The following ARHGEF28 variants were observed in gnomAD, a reference collection of about 807,000 sequenced individuals.
The protein encoded by ARHGEF28 is Rho guanine nucleotide exchange factor 28.
A neutral mutation model predicts 206.6 loss-of-function variants in ARHGEF28; 152 were observed. That is an observed-to-expected ratio of 0.74 (90% CI 0.64 to 0.84). The LOEUF (loss-of-function observed/expected upper bound fraction) is 0.84, where lower values mean the gene tolerates loss of function less well. ARHGEF28 is among the 40% of genes least tolerant of loss of function. The pLI is 0.00. For missense variants in ARHGEF28, 2,028 were observed against 2,073.2 expected, an observed-to-expected ratio of 0.98 and a Z score of 0.42; for synonymous variants, 763 against 776.4, an observed-to-expected ratio of 0.98 and a Z score of 0.29.
At chr5:73,681,660 C>A (rs1263983919) in intron 1 of ARHGEF28, among the ~76,000 whole-genome samples, 1 of 151,624 alleles carries the variant, frequency 6.6e-6, no homozygotes, top group Non-Finnish European at 1.5e-5. Flanking sequence ...CTAAAAAATA[C>A]AAAAATTAGC....
At chr5:73,724,061 G>T (rs556769208) in intron 2 of ARHGEF28, among the ~76,000 whole-genome samples, 3 of 152,210 alleles carry the variant, frequency 2.0e-5, no homozygotes, top group Non-Finnish European at 4.4e-5. Flanking sequence ...TCCCAGGCAG[G>T]CCTGAGCATC....
intron 34 of ARHGEF28, among the ~76,000 whole-genome samples, chr5:73,910,435 G>T (rs1762830296): frequency 6.8e-6 from 1 of 146,460 alleles, no homozygotes; most frequent in South Asian, 2.2e-4. Flanking sequence ...AGTCCTATGG[G>T]ATCACTGCAC....
chr5:73,739,665 G>T (rs1489201970), intron 2 of ARHGEF28, among the ~76,000 whole-genome samples: 1 of 151,532 alleles, frequency 6.6e-6, no homozygotes, highest in Non-Finnish European at 1.5e-5. Context: ...CAAAAAATTA[G>T]CTGGGCATGG....
At chr5:73,859,491 A>G (rs1289421126) in intron 16 of ARHGEF28, among the ~76,000 whole-genome samples, 2 of 152,190 alleles carry the variant, frequency 1.3e-5, no homozygotes, top group Non-Finnish European at 2.9e-5. Flanking sequence ...TCAAAATACA[A>G]TCCACATATG....
rs1757938249 is a variant in ARHGEF28 at position 73,840,745 on chromosome 5, A to T, written c.1412A>T (p.His471Leu). Residue 471 changes from histidine (H) to leucine (L), a missense_variant, in exon 11 of 36, where the codon CAT becomes CTT. This residue lies in a region of ARHGEF28 where 1,002 missense variants were observed against 1,015.3 expected (regional missense o/e 0.99). Transcript: ENST00000513042. ...GWHGFEKEQS[H>L]LKKRSSSLDA... ...CATGGATTTGAAAAGGAACAAAGTC[A>T]TCTAAAGAAAAGAAGGTAAGAGTCT... is the stretch of plus-strand genomic sequence containing the variant. The T allele has an allele frequency of 3.1e-6, 5 of 1,608,960 alleles. No individual in the cohort carries two copies. Among genetic ancestry groups the T allele is most frequent in the Non-Finnish European group, 4.2e-6 (5 of 1,177,186 alleles).
chr5:73,775,738 C>A (rs961143038), intron 5 of ARHGEF28, among the ~76,000 whole-genome samples: 2 of 152,092 alleles, frequency 1.3e-5, no homozygotes, highest in South Asian at 4.1e-4. Context: ...TAATATTTCC[C>A]CTTGAGGTTT....
intron 22 of ARHGEF28, among the ~76,000 whole-genome samples, chr5:73,881,867 C>A (rs1449610964): frequency 6.6e-6 from 1 of 152,224 alleles, no homozygotes; most frequent in East Asian, 1.9e-4. Context: ...TACTTTTCTT[C>A]ATTAGCTAAT....
At chr5:73,678,852 T>G (rs1189984125) in intron 1 of ARHGEF28, among the ~76,000 whole-genome samples, 1 of 152,178 alleles carries the variant, frequency 6.6e-6, no homozygotes, top group Non-Finnish European at 1.5e-5. Context: ...TTATTTATAG[T>G]CATTTATAAA....
At chr5:73,773,153 AC>A (rs1001645224) in intron 4 of ARHGEF28, among the ~76,000 whole-genome samples, 23 of 152,164 alleles carry the variant, frequency 1.5e-4, no homozygotes, top group African/African-American at 5.1e-4. Context: ...TACCTCAAGG[AC>A]CCCTCCGCCT....
At chr5:73,655,913 T>C (rs1308467346) in intron 1 of ARHGEF28, among the ~76,000 whole-genome samples, 2 of 152,208 alleles carry the variant, frequency 1.3e-5, no homozygotes, top group Admixed American at 1.3e-4. Context: ...AAATGGTTGA[T>C]GTGGTTTCAT....
chr5:73,732,015 CTTT>C (rs530373615), intron 2 of ARHGEF28, among the ~76,000 whole-genome samples: 3 of 130,576 alleles, frequency 2.3e-5, no homozygotes, highest in Non-Finnish European at 3.3e-5. Context: ...ATTTAGTGAA[CTTT>C]TTTTTTTTTT....
At position 73,930,944 on chromosome 5, in the gene ARHGEF28, C is replaced by A. The variant is rs141034225; in HGVS notation, c.4949-9900C>A. 3.3e-3 allele frequency among the ~76,000 whole-genome samples: 504 copies of A among 152,296 alleles called. 2 individuals are homozygous for A. Among genetic ancestry groups the A allele is most frequent in the East Asian group, 0.02 (105 of 5,188 alleles). On this transcript the variant is annotated intron_variant, in intron 35 of 35. Coordinates refer to ENST00000513042, the MANE Select transcript of ARHGEF28 (RefSeq NM_001177693.2). ...ATCCCTTCTCTCTCCTGTGTTGAAA[C>A]CTCTGTGCCCTCAGTCTCATGCTTC...
chr5:73,705,780 G>A (rs1172717045), intron 2 of ARHGEF28, among the ~76,000 whole-genome samples: 3 of 152,094 alleles, frequency 2.0e-5, no homozygotes, highest in Non-Finnish European at 2.9e-5. Context: ...GACTCTCCTA[G>A]GTGTTTGAAG....
chr5:73,875,876 T>C (rs2112650529), intron 22 of ARHGEF28, among the ~76,000 whole-genome samples: 1 of 152,348 alleles, frequency 6.6e-6, no homozygotes, highest in South Asian at 2.1e-4. Flanking sequence ...TTTGTTCTTT[T>C]GGCTTAGGAT....
intron 9 of ARHGEF28, among the ~76,000 whole-genome samples, chr5:73,817,808 G>A (rs1173981402): frequency 1.3e-5 from 2 of 152,074 alleles, no homozygotes; most frequent in African/African-American, 2.4e-5. Flanking sequence ...TCTTAGTAGC[G>A]GTAAGGGATG....
intron 1 of ARHGEF28, among the ~76,000 whole-genome samples, chr5:73,681,786 G>A (rs1046826263): frequency 7.2e-5 from 11 of 152,112 alleles, no homozygotes; most frequent in African/African-American, 2.7e-4. Context: ...CTGCGCTCTA[G>A]CCTGGGCAAC....
At chr5:73,793,047 A>G (rs1754580011) in intron 7 of ARHGEF28, among the ~76,000 whole-genome samples, 1 of 152,172 alleles carries the variant, frequency 6.6e-6, no homozygotes, top group Non-Finnish European at 1.5e-5. Context: ...AGATCAGTTG[A>G]CATGACCACA....
intron 1 of ARHGEF28, among the ~76,000 whole-genome samples, chr5:73,648,866 C>T (rs1278477228): frequency 6.6e-6 from 1 of 152,200 alleles, no homozygotes; most frequent in Admixed American, 6.5e-5. Context: ...TTCACTTCTC[C>T]TTTCCATGAA....
Position 73,878,964 on chromosome 5 carries a change from G to T in ARHGEF28, c.2815-3508G>T, listed in dbSNP as rs183086247. On this transcript the variant is annotated intron_variant, in intron 22 of 35. Coordinates refer to ENST00000513042, the MANE Select transcript of ARHGEF28 (RefSeq NM_001177693.2). Reference sequence around the variant, plus strand: ...TTCTCTGTATTTCCTGAATCTCAGTGTTGGCCTGCCTTGCTAGATTGGGGA... The same window carrying T: ...TTCTCTGTATTTCCTGAATCTCAGTTTTGGCCTGCCTTGCTAGATTGGGGA... Among the ~76,000 whole-genome samples, 724 of 152,198 alleles carry T rather than the reference G, an allele frequency of 4.8e-3. 5 individuals are homozygous for T. The highest frequency in any genetic ancestry group is 0.017 in the African/African-American group (686 of 41,494).
Sources: gnomAD v4.1 joint callset for allele counts (sites outside exome capture counted in the v4.1 genomes callset) on GRCh38, gnomAD v4.1.1 for gene constraint, gnomAD v4.1.1 regional missense constraint, MANE v1.5 for transcripts, NCBI Gene and HGNC (gene_info 2026-07-23, HGNC 2026-07-21) for gene names.